Variants in UBE2E2 observed in about 807,000 individuals in gnomAD.
UBE2E2 encodes ubiquitin-conjugating enzyme E2 E2.
UBE2E2 carries 6 observed loss-of-function variants against 24.7 expected under a neutral mutation model. That is an observed-to-expected ratio of 0.24 (90% CI 0.13 to 0.48). The LOEUF (loss-of-function observed/expected upper bound fraction) is 0.48, where lower values mean the gene tolerates loss of function less well. UBE2E2 is among the 20% of genes least tolerant of loss of function. The pLI is 0.99. For synonymous variants in UBE2E2, 104 were observed against 83.6 expected, an observed-to-expected ratio of 1.24 and a Z score of -1.33; for missense variants, 169 against 245.0, an observed-to-expected ratio of 0.69 and a Z score of 2.07.
intron 1 of UBE2E2, 76 bp downstream of exon 1, chr3:23,203,540 G>A (rs1379555509): frequency 2.6e-4 from 221 of 841,462 alleles, no homozygotes; most frequent in Non-Finnish European, 3.0e-4. Flanking sequence ...TCACTCCCCC[G>A]ACCTCCCCTC....
At chr3:23,468,091 C>T (rs1158603488) in intron 3 of UBE2E2, among the ~76,000 whole-genome samples, 1 of 152,176 alleles carries the variant, frequency 6.6e-6, no homozygotes, top group African/African-American at 2.4e-5. Context: ...AGCCTTCTTT[C>T]CTTGAACTTG....
intron 3 of UBE2E2, among the ~76,000 whole-genome samples, chr3:23,285,121 C>G (rs1169867090): frequency 6.6e-6 from 1 of 152,036 alleles, no homozygotes; most frequent in Non-Finnish European, 1.5e-5. Context: ...TAAGTGAGAA[C>G]AGACAAAAGT....
At chr3:23,582,808 G>A (rs772902075) in intron 5 of UBE2E2, among the ~76,000 whole-genome samples, 2 of 150,974 alleles carry the variant, frequency 1.3e-5, no homozygotes, top group African/African-American at 4.9e-5. Context: ...TGTTAGATGC[G>A]TAGTTTGCAG....
intron 4 of UBE2E2, among the ~76,000 whole-genome samples, chr3:23,519,782 T>C (rs1231213007): frequency 6.6e-6 from 1 of 152,158 alleles, no homozygotes; most frequent in Non-Finnish European, 1.5e-5. Context: ...GCTCAAGTGA[T>C]CTTCCCTCCT....
chr3:23,349,567 C>G (rs1695665037), intron 3 of UBE2E2, among the ~76,000 whole-genome samples: 2 of 152,224 alleles, frequency 1.3e-5, no homozygotes, highest in Admixed American at 1.3e-4. Flanking sequence ...AAAAACGGCG[C>G]ACCAGGAGAT....
intron 3 of UBE2E2, among the ~76,000 whole-genome samples, chr3:23,361,300 T>C (rs923677655): frequency 2.6e-5 from 4 of 152,210 alleles, no homozygotes; most frequent in African/African-American, 7.2e-5. Flanking sequence ...GTAGAACTAC[T>C]ATTTGATCCA....
chr3:23,457,179 G>C (rs1412952267), intron 3 of UBE2E2, among the ~76,000 whole-genome samples: 2 of 152,156 alleles, frequency 1.3e-5, no homozygotes, highest in East Asian at 1.9e-4. Context: ...TATATGCTGC[G>C]TGTATAGAAA....
intron 3 of UBE2E2, among the ~76,000 whole-genome samples, chr3:23,420,042 T>A (rs1697756929): frequency 6.6e-6 from 1 of 152,176 alleles, no homozygotes; most frequent in Non-Finnish European, 1.5e-5. Context: ...TATTTAGGCG[T>A]TTGAATGGAT....
At chr3:23,505,172 T>C (rs966518994) in intron 4 of UBE2E2, among the ~76,000 whole-genome samples, 12 of 151,534 alleles carry the variant, frequency 7.9e-5, no homozygotes, top group Non-Finnish European at 1.8e-4. Flanking sequence ...CTGCGCACTT[T>C]GGCCTCCCAA....
chr3:23,321,267 G>A (rs1694730173), intron 3 of UBE2E2, among the ~76,000 whole-genome samples: 1 of 152,184 alleles, frequency 6.6e-6, no homozygotes, highest in Non-Finnish European at 1.5e-5. Context: ...AACTTTTTTG[G>A]GAGGGGCTGG....
At chr3:23,238,749 G>A (rs2125336617) in intron 3 of UBE2E2, among the ~76,000 whole-genome samples, 1 of 152,274 alleles carries the variant, frequency 6.6e-6, no homozygotes, top group Non-Finnish European at 1.5e-5. Flanking sequence ...TATACACATA[G>A]CCTGAAGGTA....
At chr3:23,430,515 G>A (rs9852053) in intron 3 of UBE2E2, among the ~76,000 whole-genome samples, 6,453 of 150,882 alleles carry the variant, frequency 0.043, 481 homozygotes, top group African/African-American at 0.15. Flanking sequence ...GTTGTGTGGC[G>A]TTTTTTTTGT....
At chr3:23,313,013 A>C (rs556670678) in intron 3 of UBE2E2, among the ~76,000 whole-genome samples, 7 of 151,994 alleles carry the variant, frequency 4.6e-5, no homozygotes, top group Middle Eastern at 3.2e-3. Context: ...GTGGCCTTAC[A>C]TATGTTCTGT....
rs117561772 is a variant in UBE2E2 at position 23,446,463 on chromosome 3, C to T, written c.228-53145C>T. Among the ~76,000 whole-genome samples the T allele has an allele frequency of 6.4e-4, 97 of 152,266 alleles. 5 individuals are homozygous for T. In the East Asian group the frequency reaches 0.015, roughly 24 times the overall value. Reference sequence around the variant, plus strand: ...ATAATGGAATGTGAAGATATCCCGGCTGACTGAATTTTGAGTGAGATCGTA... The same window carrying T: ...ATAATGGAATGTGAAGATATCCCGGTTGACTGAATTTTGAGTGAGATCGTA... On this transcript the variant is annotated intron_variant, in intron 3 of 5. Transcript: ENST00000396703.
intron 5 of UBE2E2, among the ~76,000 whole-genome samples, chr3:23,538,702 A>G (rs886866367): frequency 3.9e-5 from 6 of 152,150 alleles, no homozygotes; most frequent in African/African-American, 4.8e-5. Context: ...ATCAGGGAAT[A>G]TACGTTCCCT....
intron 3 of UBE2E2, among the ~76,000 whole-genome samples, chr3:23,286,031 T>C (rs958016365): frequency 1.3e-5 from 2 of 152,214 alleles, no homozygotes; most frequent in South Asian, 2.1e-4. Context: ...GATTAAGCTT[T>C]TTTTTATTTA....
chr3:23,409,212 A>G (rs1432863637), intron 3 of UBE2E2, among the ~76,000 whole-genome samples: 2 of 152,164 alleles, frequency 1.3e-5, no homozygotes, highest in East Asian at 3.9e-4. Flanking sequence ...ATCAGTTTTT[A>G]AAAATTCAAC....
At chr3:23,290,041 G>A (rs944448889) in intron 3 of UBE2E2, among the ~76,000 whole-genome samples, 10 of 152,220 alleles carry the variant, frequency 6.6e-5, no homozygotes, top group African/African-American at 2.4e-4. Context: ...TAACACAAGG[G>A]TGAATATATT....
intron 3 of UBE2E2, among the ~76,000 whole-genome samples, chr3:23,417,246 C>A (rs577406175): frequency 2.0e-5 from 3 of 152,268 alleles, no homozygotes; most frequent in Admixed American, 6.5e-5. Context: ...GTGTGGACGT[C>A]CTTTTCGTTG....
Sources: gnomAD v4.1 joint callset for allele counts (sites outside exome capture counted in the v4.1 genomes callset) on GRCh38, gnomAD v4.1.1 for gene constraint, MANE v1.5 for transcripts, NCBI Gene and HGNC (gene_info 2026-07-23, HGNC 2026-07-21) for gene names.